Variants in STK3 observed in about 807,000 individuals in gnomAD.
STK3 encodes serine/threonine kinase 3.
STK3 carries 41 observed loss-of-function variants against 58.0 expected under a neutral mutation model. The ratio of observed to expected loss-of-function variants is 0.71; its 90% CI spans 0.55 to 0.92. STK3 has a LOEUF of 0.92. STK3 is among the 40% of genes least tolerant of loss of function. The pLI is 0.00. For synonymous variants in STK3, 170 were observed against 191.0 expected (o/e 0.89, Z 0.91); for missense variants, 479 against 602.7 (o/e 0.79, Z 2.15).
downstream of STK3, among the ~76,000 whole-genome samples, chr8:98,399,176 A>G (rs2131023325): frequency 6.6e-6 from 1 of 152,346 alleles, no homozygotes; most frequent in East Asian, 1.9e-4. Context: ...CCCCACCCAG[A>G]GTAAATAAGG....
intron 2 of STK3, among the ~76,000 whole-genome samples, chr8:98,373,667 A>C (rs1033754172): frequency 6.6e-6 from 1 of 152,162 alleles, no homozygotes; most frequent in Admixed American, 6.5e-5. Context: ...ATGCTGCCTC[A>C]CCGCTGGAGG....
intron 3 of STK3, among the ~76,000 whole-genome samples, chr8:98,765,755 T>C (rs948304141): frequency 2.0e-5 from 3 of 152,206 alleles, no homozygotes; most frequent in African/African-American, 7.2e-5. Flanking sequence ...GACATGGCTG[T>C]TCCTTTGTTG....
intron 8 of STK3, among the ~76,000 whole-genome samples, chr8:98,569,913 A>ATGTGTGTG (rs534903718): frequency 6.8e-6 from 1 of 147,314 alleles, no homozygotes; most frequent in African/African-American, 2.5e-5. Context: ...AAAAAAAAAT[A>ATGTGTGTG]TGTGTGTGTG....
upstream of STK3, among the ~76,000 whole-genome samples, chr8:98,829,443 T>A (rs1287326792): frequency 6.6e-6 from 1 of 152,214 alleles, no homozygotes. Flanking sequence ...GGAGGAATAC[T>A]ATCAGAAAAT....
At chr8:98,501,693 T>C (rs1275502171) in intron 10 of STK3, among the ~76,000 whole-genome samples, 1 of 152,244 alleles carries the variant, frequency 6.6e-6, no homozygotes, top group East Asian at 1.9e-4. Flanking sequence ...TTCATCAGGT[T>C]TGCCAAAGAT....
At chr8:98,933,297 A>T (rs1311046312) in intron 1 of STK3, among the ~76,000 whole-genome samples, 1 of 152,224 alleles carries the variant, frequency 6.6e-6, no homozygotes, top group Admixed American at 6.5e-5. Flanking sequence ...TGGGGAGTTG[A>T]TAAAAGAAAA....
chr8:98,422,261 T>C (rs1011218875), intron 3 of STK3, among the ~76,000 whole-genome samples: 1 of 152,212 alleles, frequency 6.6e-6, no homozygotes. Flanking sequence ...ATTTGTAACG[T>C]GCAGCAAAAC....
At chr8:98,481,735 A>AC (rs1821870640) in intron 10 of STK3, among the ~76,000 whole-genome samples, 1 of 152,132 alleles carries the variant, frequency 6.6e-6, no homozygotes, top group African/African-American at 2.4e-5. Context: ...AAAAAAAAAA[A>AC]AACTTAGTAA....
intron 1 of STK3, among the ~76,000 whole-genome samples, chr8:98,885,087 T>C (rs1837933599): frequency 6.6e-6 from 1 of 152,248 alleles, no homozygotes; most frequent in Non-Finnish European, 1.5e-5. Context: ...AAATCACCTA[T>C]AACTCATTGT....
chr8:98,817,173 G>T (rs182852355), intron 1 of STK3, among the ~76,000 whole-genome samples: 230 of 152,226 alleles, frequency 1.5e-3, no homozygotes, highest in Non-Finnish European at 2.9e-3. Flanking sequence ...TAGAAATCAG[G>T]CCGGGCATGG....
intron 10 of STK3, among the ~76,000 whole-genome samples, chr8:98,510,016 A>C (rs1824378005): frequency 2.0e-5 from 3 of 152,044 alleles, no homozygotes; most frequent in African/African-American, 4.8e-5. Context: ...ACTTAGAATA[A>C]ATTCAAAAGA....
intron 6 of STK3, among the ~76,000 whole-genome samples, chr8:98,632,289 T>C (rs1208273165): frequency 2.6e-5 from 4 of 152,204 alleles, no homozygotes; most frequent in Admixed American, 2.0e-4. Flanking sequence ...AAATGAGAGA[T>C]TGGCGACCAT....
the STK3 span, among the ~76,000 whole-genome samples, chr8:98,364,464 CTGAG>C: frequency 2.0e-5 from 3 of 152,210 alleles, no homozygotes; most frequent in Non-Finnish European, 4.4e-5. Context: ...TCCCCGGAGG[CTGAG>C]TAAGAGCCCC....
exon 1 of STK3, chr8:98,942,442 G>T (rs1840472771): frequency 6.6e-6 from 1 of 152,262 alleles, no homozygotes; most frequent in Non-Finnish European, 1.5e-5. Context: ...TTGGAACTTC[G>T]CAGGCTGGCG....
intron 4 of STK3, among the ~76,000 whole-genome samples, chr8:98,738,599 G>A (rs4734415): frequency 0.031 from 4,748 of 152,274 alleles, 101 homozygotes; most frequent in East Asian, 0.056. Context: ...ACATATTTCT[G>A]GATCCGGGAG....
chr8:98,744,179 C>T (rs1364550720), intron 4 of STK3, among the ~76,000 whole-genome samples: 1 of 152,128 alleles, frequency 6.6e-6, no homozygotes. Flanking sequence ...GTGGCGATTC[C>T]TCAGGGATCT....
intron 4 of STK3, among the ~76,000 whole-genome samples, chr8:98,727,035 T>C (rs1297194407): frequency 6.6e-6 from 1 of 152,200 alleles, no homozygotes; most frequent in Non-Finnish European, 1.5e-5. Flanking sequence ...ACTCATTTGC[T>C]CTTCTCCTGC....
chr8:98,776,878 G>T (rs1210408265), intron 1 of STK3, among the ~76,000 whole-genome samples: 1 of 151,676 alleles, frequency 6.6e-6, no homozygotes, highest in East Asian at 2.0e-4. Context: ...GTGAAACCCC[G>T]TCTCTACTAA....
chr8:98,909,483 C>T (rs955192229), intron 1 of STK3, among the ~76,000 whole-genome samples: 6 of 152,156 alleles, frequency 3.9e-5, no homozygotes, highest in Non-Finnish European at 8.8e-5. Flanking sequence ...AAGAAATCTC[C>T]GTAATCTTTA....
Sources: allele counts gnomAD v4.1 joint callset (sites outside exome capture counted in the v4.1 genomes callset), GRCh38; gene constraint gnomAD v4.1.1; transcripts MANE v1.5; gene names NCBI Gene and HGNC (gene_info 2026-07-23, HGNC 2026-07-21).